ZBED6: variants seen among roughly 807,000 people sequenced by gnomAD.
ZBED6 encodes zinc finger BED domain-containing protein 6.
In ZBED6, 40 loss-of-function variants were observed where a neutral mutation model predicts 58.4. The ratio of observed to expected loss-of-function variants is 0.68; its 90% CI spans 0.53 to 0.89. ZBED6 has a LOEUF of 0.89. ZBED6 is among the 40% of genes least tolerant of loss of function. The pLI is 0.00. For synonymous variants in ZBED6, 439 were observed against 350.6 expected (o/e 1.25, Z -2.82); for missense variants, 1,057 against 1,003.9 (o/e 1.05, Z -0.71).
chr1:203,822,480 A>T (rs1679105962), intron 3 of ZBED6, among the ~76,000 whole-genome samples: 2 of 152,000 alleles, frequency 1.3e-5, no homozygotes, highest in South Asian at 4.1e-4. Flanking sequence ...TTGGGCTGTG[A>T]TACTTTGTGC....
chr1:203,800,466 C>A, exon 1 of ZBED6: 1 of 1,475,768 alleles, frequency 6.8e-7, no homozygotes, highest in Non-Finnish European at 8.9e-7. Flanking sequence ...GCCTTAATTT[C>A]TTTTTCTCCA....
At chr1:203,843,163 G>A (rs578094265) in intron 11 of ZBED6, among the ~76,000 whole-genome samples, 1 of 152,144 alleles carries the variant, frequency 6.6e-6, no homozygotes, top group South Asian at 2.1e-4. Context: ...TCTCTCCCTA[G>A]TATGCTGCAG....
intron 8 of ZBED6, among the ~76,000 whole-genome samples, chr1:203,833,331 C>T (rs1683030958): frequency 6.9e-6 from 1 of 144,394 alleles, no homozygotes; most frequent in South Asian, 2.2e-4. Flanking sequence ...GGCCACTGCA[C>T]TCTAGCCTGG....
intron 4 of ZBED6, 39 bp from the exon 5 acceptor site, chr1:203,829,412 T>A: frequency 6.2e-7 from 1 of 1,610,562 alleles, no homozygotes; most frequent in Non-Finnish European, 8.5e-7. Flanking sequence ...TGGGGTTGTA[T>A]CTTCTGTTTT....
chr1:203,828,476 A>C, intron 4 of ZBED6, 54 bp downstream of exon 4: 1 of 1,551,534 alleles, frequency 6.4e-7, no homozygotes, highest in Non-Finnish European at 8.7e-7. Flanking sequence ...TATTATGCAC[A>C]CTGTACAACA....
exon 1 of ZBED6, chr1:203,798,415 G>A: frequency 6.5e-7 from 1 of 1,534,010 alleles, no homozygotes; most frequent in Non-Finnish European, 8.7e-7. Context: ...GGTAGGCCAG[G>A]GTCCCACTTA....
At chr1:203,797,544 G>T (rs1668961312) in exon 1 of ZBED6, 1 of 1,524,790 alleles carries the variant, frequency 6.6e-7, no homozygotes. Context: ...TACTCTAAGT[G>T]TACCAGTTTC....
chr1:203,851,385 A>C (rs1689217927), intron 16 of ZBED6, among the ~76,000 whole-genome samples: 1 of 152,194 alleles, frequency 6.6e-6, no homozygotes, highest in African/African-American at 2.4e-5. Context: ...ACTGGAGTGC[A>C]GTGGCACAAT....
intron 1 of ZBED6, among the ~76,000 whole-genome samples, chr1:203,804,860 A>G (rs1671747495): frequency 1.3e-5 from 2 of 151,272 alleles, no homozygotes; most frequent in Non-Finnish European, 2.9e-5. Context: ...TTTAGTAGAG[A>G]TGGGGTTTCA....
chr1:203,848,684 G>A (rs1371947411), intron 13 of ZBED6, among the ~76,000 whole-genome samples: 2 of 152,158 alleles, frequency 1.3e-5, no homozygotes, highest in African/African-American at 4.8e-5. Context: ...TCAGGAGATT[G>A]AGACCGTCCT....
At chr1:203,823,336 C>G (rs143112587) in intron 3 of ZBED6, among the ~76,000 whole-genome samples, 10 of 152,310 alleles carry the variant, frequency 6.6e-5, no homozygotes, top group African/African-American at 2.4e-4. Flanking sequence ...ACACTCTTTT[C>G]CTAGTCATGA....
chr1:203,804,212 C>T (rs1336536684), intron 1 of ZBED6, among the ~76,000 whole-genome samples: 1 of 145,850 alleles, frequency 6.9e-6, no homozygotes, highest in African/African-American at 2.6e-5. Context: ...AGTGCAGTGG[C>T]GTGATCTCGA....
intron 1 of ZBED6, among the ~76,000 whole-genome samples, chr1:203,811,143 CA>C (rs535589700): frequency 0.27 from 20,115 of 73,566 alleles, 1,490 homozygotes; most frequent in East Asian, 0.5. Flanking sequence ...AACTCTGTCA[CA>C]AAAAAAAAAA....
exon 14 of ZBED6, chr1:203,849,779 G>A: frequency 6.2e-7 from 1 of 1,613,928 alleles, no homozygotes; most frequent in Non-Finnish European, 8.5e-7. Context: ...CCATGAGAGA[G>A]AAGCACATGC....
rs1286329898 is a variant in ZBED6 at position 203,844,242 on chromosome 1, A to G, written c.*3742-2942A>G. ...AGTGGCGTGATCTCAGCTCACTGCA[A>G]CCTCTGCCTCCCAGGTTAAAGCGAT... On this transcript the variant is annotated intron_variant, in intron 11 of 16. Transcript: ENST00000550078. Among the ~76,000 whole-genome samples, 194 of 152,106 alleles carry G rather than the reference A, an allele frequency of 1.3e-3. 1 individual carries two copies. Among genetic ancestry groups the G allele is most frequent in the Non-Finnish European group, 2.9e-5 (2 of 67,984 alleles).
At chr1:203,825,060 G>C (rs1405080867) in intron 3 of ZBED6, among the ~76,000 whole-genome samples, 5 of 126,824 alleles carry the variant, frequency 3.9e-5, no homozygotes, top group Non-Finnish European at 7.8e-5. Flanking sequence ...CTGGGCAACA[G>C]AGCGAGACTC....
At chr1:203,827,036 T>A (rs537225390) in intron 3 of ZBED6, among the ~76,000 whole-genome samples, 8 of 152,306 alleles carry the variant, frequency 5.3e-5, no homozygotes, top group African/African-American at 1.9e-4. Context: ...ACTGTTTTCA[T>A]CTTTTCATAA....
intron 1 of ZBED6, among the ~76,000 whole-genome samples, chr1:203,815,241 GT>G (rs1558106476): frequency 2.6e-5 from 2 of 76,510 alleles, no homozygotes; most frequent in Non-Finnish European, 4.6e-5. Flanking sequence ...TTGAGACAGT[GT>G]CTCGCTCTGT....
chr1:203,805,978 G>A, intron 1 of ZBED6: 1 of 594,232 alleles, frequency 1.7e-6, no homozygotes, highest in Non-Finnish European at 3.3e-6. Flanking sequence ...ATCCTTCAAT[G>A]ACTGGATGGT....
Sources: allele counts gnomAD v4.1 joint callset (sites outside exome capture counted in the v4.1 genomes callset), GRCh38; gene constraint gnomAD v4.1.1; transcripts MANE v1.5; gene names NCBI Gene and HGNC (gene_info 2026-07-23, HGNC 2026-07-21).